LRRC37A2: variants seen among roughly 807,000 people sequenced by gnomAD.
LRRC37A2 encodes leucine-rich repeat-containing protein 37A2.
In LRRC37A2, 9 loss-of-function variants were observed where a neutral mutation model predicts 68.8. The observed-to-expected ratio is 0.13, with a 90% CI of 0.08 to 0.23. LRRC37A2 has a LOEUF of 0.23. Ranked by LOEUF, LRRC37A2 falls within the 10% of genes least tolerant of loss-of-function variation. LRRC37A2 has a pLI of 1.00. For synonymous variants in LRRC37A2, 63 were observed against 367.6 expected (o/e 0.17, Z 9.48); for missense variants, 168 against 950.4 (o/e 0.18, Z 10.82).
the LRRC37A2 span, among the ~76,000 whole-genome samples, chr17:46,952,338 A>C: frequency 6.6e-6 from 1 of 152,230 alleles, no homozygotes; most frequent in Non-Finnish European, 1.5e-5. Flanking sequence ...GGGTGACCAC[A>C]TGACTGCGCG....
the LRRC37A2 span, among the ~76,000 whole-genome samples, chr17:47,026,569 G>C: frequency 1.9e-3 from 293 of 152,312 alleles, 3 homozygotes; most frequent in Admixed American, 0.018. Flanking sequence ...TATGATGACT[G>C]TGTGCAGGAT....
chr17:47,028,272 T>A, the LRRC37A2 span: 1 of 1,479,722 alleles, frequency 6.8e-7, no homozygotes, highest in Non-Finnish European at 9.4e-7. Flanking sequence ...TGTCTTTTTT[T>A]TTTTTAGAAA....
the LRRC37A2 span, among the ~76,000 whole-genome samples, chr17:46,929,258 T>C: frequency 1.3e-5 from 2 of 152,314 alleles, no homozygotes; most frequent in East Asian, 3.9e-4. Flanking sequence ...TAATGGTACT[T>C]TCCTCATAGG....
chr17:47,024,752 G>C, the LRRC37A2 span: 1 of 811,838 alleles, frequency 1.2e-6, no homozygotes, highest in African/African-American at 1.7e-5. Context: ...TCCAGTATTT[G>C]TAAGTTAGTT....
chr17:46,714,093 GTTC>G, the LRRC37A2 span: 2 of 1,237,532 alleles, frequency 1.6e-6, no homozygotes, highest in Admixed American at 3.6e-5. Context: ...TAGCAACTAT[GTTC>G]TTCTCAAGTG....
At chr17:46,530,115 C>G (rs538927005) in intron 6 of LRRC37A2, among the ~76,000 whole-genome samples, 1 of 139,224 alleles carries the variant, frequency 7.2e-6, no homozygotes, top group South Asian at 2.3e-4. Context: ...TGGTCTCAAA[C>G]TCCTGGGCTC....
At chr17:46,751,571 G>T in the LRRC37A2 span, 1 of 1,614,076 alleles carries the variant, frequency 6.2e-7, no homozygotes, top group Non-Finnish European at 8.5e-7. Context: ...AGAAGGTCTG[G>T]ATAGGAATCA....
the LRRC37A2 span, among the ~76,000 whole-genome samples, chr17:46,994,546 C>G: frequency 6.6e-6 from 1 of 152,044 alleles, no homozygotes; most frequent in Non-Finnish European, 1.5e-5. Flanking sequence ...TTGTGAAAAT[C>G]ATTGAGCTGT....
the LRRC37A2 span, among the ~76,000 whole-genome samples, chr17:47,029,203 T>G: frequency 6.6e-6 from 1 of 151,658 alleles, no homozygotes; most frequent in African/African-American, 2.4e-5. Context: ...TCCACCCACC[T>G]CAGCCTCCCA....
chr17:46,416,283 T>C, the LRRC37A2 span, among the ~76,000 whole-genome samples: 1 of 62,080 alleles, frequency 1.6e-5, no homozygotes, highest in African/African-American at 4.6e-5. Context: ...CTTTCTAGGA[T>C]TTTTTTTTTT....
the LRRC37A2 span, among the ~76,000 whole-genome samples, chr17:46,708,281 G>A: frequency 5.9e-5 from 9 of 151,878 alleles, no homozygotes; most frequent in South Asian, 4.2e-4. Flanking sequence ...CGTTTTCCAC[G>A]GTGGCTGCAC....
chr17:46,923,193 A>G, the LRRC37A2 span: 24 of 1,545,790 alleles, frequency 1.6e-5, no homozygotes, highest in East Asian at 4.9e-5. Context: ...GGCCGGCGAC[A>G]TGGATCCCCT....
At chr17:46,764,989 ACG>A in the LRRC37A2 span, among the ~76,000 whole-genome samples, 1 of 152,246 alleles carries the variant, frequency 6.6e-6, no homozygotes, top group Admixed American at 6.5e-5. Context: ...TGCTGGGCTC[ACG>A]CCAGGCATGC....
the LRRC37A2 span, among the ~76,000 whole-genome samples, chr17:46,735,144 T>C: frequency 6.6e-6 from 1 of 152,166 alleles, no homozygotes; most frequent in Non-Finnish European, 1.5e-5. Context: ...CAAAATAGGG[T>C]TTTGTTTTGG....
At chr17:46,610,041 C>CTCTCTCTCTT in the LRRC37A2 span, among the ~76,000 whole-genome samples, 597 of 118,652 alleles carry the variant, frequency 5.0e-3, 22 homozygotes, top group African/African-American at 0.013. Flanking sequence ...CTCTCTCTCT[C>CTCTCTCTCTT]TCTTTCTTTC....
the LRRC37A2 span, among the ~76,000 whole-genome samples, chr17:46,737,572 C>CAT: frequency 6.8e-6 from 1 of 147,172 alleles, no homozygotes; most frequent in Non-Finnish European, 1.5e-5. Context: ...GGTGTGTGTG[C>CAT]GTGTGTGTGT....
chr17:46,905,828 A>C, the LRRC37A2 span, among the ~76,000 whole-genome samples: 1 of 136,942 alleles, frequency 7.3e-6, no homozygotes, highest in Non-Finnish European at 1.6e-5. Flanking sequence ...TTGTTGGGGG[A>C]TGGGGTAAGG....
the LRRC37A2 span, among the ~76,000 whole-genome samples, chr17:47,010,932 G>T: frequency 6.6e-6 from 1 of 152,204 alleles, no homozygotes; most frequent in Non-Finnish European, 1.5e-5. Flanking sequence ...GGGGTGGATT[G>T]TTGTTTGTCC....
At chr17:46,803,883 G>T in the LRRC37A2 span, among the ~76,000 whole-genome samples, 2 of 152,214 alleles carry the variant, frequency 1.3e-5, no homozygotes, top group African/African-American at 4.8e-5. Context: ...AATTCTCATG[G>T]CGCAGCTGAA....
Sources: gnomAD v4.1 joint callset for allele counts (sites outside exome capture counted in the v4.1 genomes callset) on GRCh38, gnomAD v4.1.1 for gene constraint, MANE v1.5 for transcripts, NCBI Gene and HGNC (gene_info 2026-07-23, HGNC 2026-07-21) for gene names.